Variants in PHLDB2 observed in about 807,000 individuals in gnomAD.
PHLDB2 encodes pleckstrin homology-like domain family B member 2.
PHLDB2 carries 71 observed loss-of-function variants against 123.6 expected under a neutral mutation model. That is an observed-to-expected ratio of 0.57 (90% CI 0.47 to 0.70). The LOEUF (loss-of-function observed/expected upper bound fraction) is 0.70. Among genes scored for constraint, PHLDB2 ranks in the 30% least tolerant of loss-of-function variants. The probability of loss-of-function intolerance (pLI) is 0.00; values close to 1 mark genes in which losing one functional copy is unlikely to be tolerated. For synonymous variants in PHLDB2, 547 were observed against 541.6 expected (o/e 1.01, Z -0.14); for missense variants, 1,446 against 1,519.5 (o/e 0.95, Z 0.80).
intron 5 of PHLDB2, 36 bp from the exon 6 acceptor site, chr3:111,932,233 T>TA (rs1351911850): frequency 6.5e-7 from 1 of 1,546,306 alleles, no homozygotes; most frequent in Non-Finnish European, 8.7e-7. Context: ...GGTGTGAAGG[T>TA]AATTTCTATT....
intron 1 of PHLDB2, among the ~76,000 whole-genome samples, chr3:111,757,346 T>G (rs1008846954): frequency 6.6e-6 from 1 of 152,196 alleles, no homozygotes; most frequent in Non-Finnish European, 1.5e-5. Context: ...CTTTGTTCGT[T>G]TCTTTTTATT....
intron 2 of PHLDB2, among the ~76,000 whole-genome samples, chr3:111,846,600 G>A (rs913009693): frequency 3.9e-5 from 6 of 152,058 alleles, no homozygotes; most frequent in African/African-American, 1.4e-4. Flanking sequence ...TTGTATTAAG[G>A]GAGGGCAATT....
At chr3:111,895,027 T>G (rs2066741489) in intron 2 of PHLDB2, among the ~76,000 whole-genome samples, 1 of 148,798 alleles carries the variant, frequency 6.7e-6, no homozygotes. Context: ...AAAGTTGGGC[T>G]GCCAATTGTC....
At chr3:111,870,290 A>G (rs78972816) in intron 1 of PHLDB2, among the ~76,000 whole-genome samples, 4,730 of 151,986 alleles carry the variant, frequency 0.031, 253 homozygotes, top group African/African-American at 0.11. Flanking sequence ...GAGTTTGGGG[A>G]TATGTGGACA....
At chr3:111,969,626 C>T in intron 15 of PHLDB2, 64 bp from the exon 16 acceptor site, 2 of 1,338,492 alleles carry the variant, frequency 1.5e-6, no homozygotes, top group Non-Finnish European at 2.1e-6. Flanking sequence ...TGCTTCTAAA[C>T]ATCTGTGACC....
At chr3:111,781,776 G>T (rs144956001) in intron 1 of PHLDB2, among the ~76,000 whole-genome samples, 29 of 152,214 alleles carry the variant, frequency 1.9e-4, no homozygotes, top group African/African-American at 6.5e-4. Context: ...CTTAAGCATA[G>T]TAAGTACAGT....
upstream of PHLDB2, among the ~76,000 whole-genome samples, chr3:111,856,501 C>T (rs111955877): frequency 1.3e-4 from 20 of 152,274 alleles, no homozygotes; most frequent in African/African-American, 2.9e-4. Flanking sequence ...ATACCGGATA[C>T]GTATACAATA....
intron 5 of PHLDB2, among the ~76,000 whole-genome samples, chr3:111,928,394 A>G (rs2068928211): frequency 6.6e-6 from 1 of 152,100 alleles, no homozygotes; most frequent in Non-Finnish European, 1.5e-5. Context: ...ATGGGTCTCA[A>G]CCTGGCTGCA....
chr3:111,869,382 CTT>C (rs1456067419), intron 1 of PHLDB2, among the ~76,000 whole-genome samples: 1 of 151,860 alleles, frequency 6.6e-6, no homozygotes. Flanking sequence ...TCCTTTGAGT[CTT>C]TTGTTCTTTC....
Position 111,885,154 on chromosome 3 carries a change from T to C in PHLDB2, c.1077T>C (p.Tyr359=), listed in dbSNP as rs1163159100. The change falls in exon 2 of 18, where the codon TAT becomes TAC. Residue 359 remains tyrosine (Y), a synonymous_variant. Coordinates refer to ENST00000431670, the MANE Select transcript of PHLDB2 (RefSeq NM_001134438.2). ...CASDDFDQAS[Y]VGTNPSHSLL... is the part of the protein sequence containing the mutation. ...CTGATGACTTTGATCAGGCTTCATA[T>C]GTGGGGACAAACCCGAGTCATTCAC... 2.5e-6 allele frequency: 4 copies of C among 1,613,996 alleles called. No homozygotes were observed. Among genetic ancestry groups the C allele is most frequent in the Non-Finnish European group, 3.4e-6 (4 of 1,180,036 alleles).
chr3:111,934,655 T>G (rs1012635003), intron 6 of PHLDB2, among the ~76,000 whole-genome samples: 41 of 152,368 alleles, frequency 2.7e-4, no homozygotes, highest in African/African-American at 9.9e-4. Context: ...GATATTGGTT[T>G]TGTGGCCTGT....
intron 16 of PHLDB2, among the ~76,000 whole-genome samples, chr3:111,972,085 T>C (rs1274050294): frequency 6.6e-6 from 1 of 152,192 alleles, no homozygotes; most frequent in African/African-American, 2.4e-5. Flanking sequence ...CAAACCAAAG[T>C]TTCCTTCTGC....
intron 1 of PHLDB2, among the ~76,000 whole-genome samples, chr3:111,866,851 A>T (rs1177987868): frequency 6.6e-6 from 1 of 151,670 alleles, no homozygotes; most frequent in African/African-American, 2.4e-5. Flanking sequence ...GGACTTGATC[A>T]GGATCCTTGG....
At chr3:111,921,240 A>G (rs1445339770) in intron 5 of PHLDB2, among the ~76,000 whole-genome samples, 1 of 152,238 alleles carries the variant, frequency 6.6e-6, no homozygotes, top group Non-Finnish European at 1.5e-5. Context: ...TAAAATTCCA[A>G]TAAAACTGAA....
chr3:111,751,861 AGAG>A (rs1316613207), intron 1 of PHLDB2, among the ~76,000 whole-genome samples: 2 of 152,110 alleles, frequency 1.3e-5, no homozygotes, highest in Non-Finnish European at 2.9e-5. Context: ...TTTTTAAAAA[AGAG>A]AGATTTTGCT....
At chr3:111,849,879 T>G (rs1009542671) in intron 2 of PHLDB2, among the ~76,000 whole-genome samples, 23 of 152,168 alleles carry the variant, frequency 1.5e-4, no homozygotes, top group East Asian at 3.9e-4. Flanking sequence ...CTTTTTTTTT[T>G]GGGACGGAGT....
chr3:111,974,056 G>A (rs750364537), intron 17 of PHLDB2, among the ~76,000 whole-genome samples: 1 of 152,154 alleles, frequency 6.6e-6, no homozygotes, highest in African/African-American at 2.4e-5. Context: ...CCTGCGAAAC[G>A]ACTCTGCCAG....
chr3:111,913,736 A>G (rs1162574158), intron 3 of PHLDB2, 34 bp downstream of exon 3: 1 of 1,565,968 alleles, frequency 6.4e-7, no homozygotes, highest in Non-Finnish European at 8.7e-7. Flanking sequence ...CTAGGATTTA[A>G]GGTCTAGGGC....
At chr3:111,941,809 A>AAAAACAAAACAAAAC (rs59034498) in intron 8 of PHLDB2, among the ~76,000 whole-genome samples, 8,267 of 150,688 alleles carry the variant, frequency 0.055, 279 homozygotes, top group Non-Finnish European at 0.068. Flanking sequence ...CCTGTCTCAA[A>AAAAACAAAACAAAAC]AAAACAAAAC....
Sources: allele counts gnomAD v4.1 joint callset (sites outside exome capture counted in the v4.1 genomes callset), GRCh38; gene constraint gnomAD v4.1.1; transcripts MANE v1.5; gene names NCBI Gene and HGNC (gene_info 2026-07-23, HGNC 2026-07-21).